CPSF3: variants seen among roughly 807,000 people sequenced by gnomAD.
CPSF3 encodes the protein cleavage and polyadenylation specific factor 3.
CPSF3 carries 57 observed loss-of-function variants against 84.1 expected under a neutral mutation model. The ratio of observed to expected loss-of-function variants is 0.68; its 90% CI spans 0.55 to 0.85. The LOEUF is 0.85. CPSF3 is among the 40% of genes least tolerant of loss of function. CPSF3 has a pLI of 0.00. For synonymous variants in CPSF3, 275 were observed against 278.1 expected, an observed-to-expected ratio of 0.99 and a Z score of 0.11; for missense variants, 522 against 838.8, an observed-to-expected ratio of 0.62 and a Z score of 4.66.
chr2:9,425,273 T>G (rs1290956603), intron 1 of CPSF3, among the ~76,000 whole-genome samples: 1 of 152,180 alleles, frequency 6.6e-6, no homozygotes, highest in Non-Finnish European at 1.5e-5. Flanking sequence ...AGGTCCAGTT[T>G]AGGAAGCACC....
At position 9,471,348 on chromosome 2, in the gene CPSF3, T is replaced by TA; in HGVS notation, c.1863dup (p.Phe622IlefsTer11). The TA allele has an allele frequency of 6.2e-7, 1 of 1,600,122 alleles. No individual in the cohort carries two copies. Among genetic ancestry groups the TA allele is most frequent in the Non-Finnish European group, 8.6e-7 (1 of 1,167,504 alleles). On this transcript the variant is annotated frameshift_variant, in exon 17 of 18. Transcript: ENST00000238112. LOFTEE classifies it high-confidence loss of function. ...GCATTTCTGCTTATTTTCAGGGACA[T>TA]ATTTGGAGAAGACTGTGTAAGTGTA...
intron 12 of CPSF3, among the ~76,000 whole-genome samples, chr2:9,455,386 G>A (rs547025893): frequency 4.8e-4 from 73 of 152,024 alleles, no homozygotes; most frequent in African/African-American, 1.7e-3. Flanking sequence ...CACCTGCCTC[G>A]GCTTCCCAAA....
chr2:9,444,276 C>A (rs934171830), intron 10 of CPSF3, among the ~76,000 whole-genome samples: 2 of 151,028 alleles, frequency 1.3e-5, no homozygotes, highest in Admixed American at 6.6e-5. Flanking sequence ...TACAGGTGCC[C>A]ACCACCACAC....
At chr2:9,428,059 C>T (rs77241968) in intron 1 of CPSF3, among the ~76,000 whole-genome samples, 4 of 150,392 alleles carry the variant, frequency 2.7e-5, no homozygotes, top group Non-Finnish European at 2.9e-5. Flanking sequence ...CGCAGTGGCG[C>T]GATCTCAGCT....
intron 1 of CPSF3, among the ~76,000 whole-genome samples, chr2:9,426,036 A>G (rs985503793): frequency 4.6e-5 from 7 of 152,218 alleles, no homozygotes; most frequent in Non-Finnish European, 7.3e-5. Flanking sequence ...TCTTTCATTT[A>G]GCATAATCTT....
intron 8 of CPSF3, among the ~76,000 whole-genome samples, chr2:9,441,283 A>G (rs1324079602): frequency 6.6e-6 from 1 of 152,248 alleles, no homozygotes; most frequent in African/African-American, 2.4e-5. Flanking sequence ...GATATCCGAA[A>G]TAATTTAAAA....
At chr2:9,426,789 TC>T (rs1237790052) in intron 1 of CPSF3, among the ~76,000 whole-genome samples, 2 of 150,764 alleles carry the variant, frequency 1.3e-5, no homozygotes, top group Admixed American at 1.3e-4. Context: ...CACCTATAGT[TC>T]CAGCTACTTG....
intron 13 of CPSF3, among the ~76,000 whole-genome samples, chr2:9,456,472 T>C (rs1681531314): frequency 6.6e-6 from 1 of 152,138 alleles, no homozygotes; most frequent in Admixed American, 6.5e-5. Context: ...ACATAGAAGG[T>C]TAATAAAATA....
chr2:9,455,809 T>A (rs1681508176), intron 13 of CPSF3, 52 bp downstream of exon 13: 2 of 1,274,208 alleles, frequency 1.6e-6, no homozygotes, highest in East Asian at 4.7e-5. Flanking sequence ...TTTAGTAAGA[T>A]AATTTTCTAT....
chr2:9,446,768 C>G (rs2124833213), intron 10 of CPSF3, among the ~76,000 whole-genome samples: 1 of 150,870 alleles, frequency 6.6e-6, no homozygotes, highest in East Asian at 2.0e-4. Flanking sequence ...AAAAAAAGAA[C>G]AATCTGTCTT....
At chr2:9,447,418 G>A (rs553445684) in intron 10 of CPSF3, among the ~76,000 whole-genome samples, 1 of 152,152 alleles carries the variant, frequency 6.6e-6, no homozygotes, top group East Asian at 1.9e-4. Context: ...GGTTGAGGCT[G>A]CAGTGAGCCA....
chr2:9,425,623 C>G (rs1257432939), intron 1 of CPSF3, among the ~76,000 whole-genome samples: 1 of 152,064 alleles, frequency 6.6e-6, no homozygotes, highest in Admixed American at 6.6e-5. Flanking sequence ...ATGTTATGAT[C>G]AGATTCCTAA....
chr2:9,426,157 G>A (rs1446542685), intron 1 of CPSF3, among the ~76,000 whole-genome samples: 1 of 152,196 alleles, frequency 6.6e-6, no homozygotes, highest in Non-Finnish European at 1.5e-5. Flanking sequence ...CAATGCCTCT[G>A]TTCTTAGGAA....
chr2:9,472,768 T>TCA (rs1682222814), intron 17 of CPSF3, 148 bp from the exon 18 acceptor site: 1 of 670,830 alleles, frequency 1.5e-6, no homozygotes, highest in African/African-American at 1.8e-5. Context: ...TCCTCCCACC[T>TCA]CAGACTCTTA....
rs187666194 is a variant in CPSF3 at position 9,469,488 on chromosome 2, G to A, written c.1856+1712G>A. 8.5e-5 allele frequency among the ~76,000 whole-genome samples: 13 copies of A among 152,280 alleles called. No individual in the cohort carries two copies. In the East Asian group the frequency reaches 2.1e-3, roughly 25 times the overall value. ...CCCTGGACTGGCCCCGCTCTCCCAC[G>A]TGCTGCAGTCGGGGTGCAGAATGGA... On this transcript the variant is annotated intron_variant, in intron 16 of 17. Coordinates refer to ENST00000238112, the MANE Select transcript of CPSF3 (RefSeq NM_016207.4).
intron 11 of CPSF3, among the ~76,000 whole-genome samples, chr2:9,449,522 G>A (rs916916567): frequency 2.6e-5 from 4 of 152,222 alleles, no homozygotes; most frequent in African/African-American, 7.2e-5. Flanking sequence ...CAGGCGAATC[G>A]CTTTAGCTCA....
intron 5 of CPSF3, 38 bp downstream of exon 5, chr2:9,432,726 TC>T (rs1680632538): frequency 2.0e-6 from 3 of 1,471,220 alleles, no homozygotes; most frequent in Non-Finnish European, 1.8e-6. Flanking sequence ...CCCAGAGAAA[TC>T]AGTACAGAGC....
chr2:9,471,021 C>T (rs59726869), intron 16 of CPSF3, among the ~76,000 whole-genome samples: 10,526 of 152,224 alleles, frequency 0.069, 1,250 homozygotes, highest in African/African-American at 0.24. Context: ...CAAGACCAGC[C>T]TGGCCAACAT....
At chr2:9,439,820 C>CA (rs941827947) in intron 7 of CPSF3, among the ~76,000 whole-genome samples, 40 of 141,270 alleles carry the variant, frequency 2.8e-4, no homozygotes, top group South Asian at 1.3e-3. Context: ...GACCCAGTCT[C>CA]AAAAAAAAAA....
Sources: allele counts gnomAD v4.1 joint callset (sites outside exome capture counted in the v4.1 genomes callset), GRCh38; gene constraint gnomAD v4.1.1; transcripts MANE v1.5; gene names NCBI Gene and HGNC (gene_info 2026-07-23, HGNC 2026-07-21).